Variants in VRK3 observed in about 807,000 individuals in gnomAD.
VRK3 encodes VRK serine/threonine kinase 3, also known as serine/threonine-protein kinase VRK3.
VRK3 carries 50 observed loss-of-function variants against 60.4 expected under a neutral mutation model. The observed-to-expected ratio is 0.83, with a 90% CI of 0.66 to 1.05. The LOEUF is 1.05. Among genes scored for constraint, VRK3 ranks in the 50% least tolerant of loss-of-function variants. The pLI, the probability that VRK3 is intolerant of heterozygous loss-of-function variation, is 0.00. For missense variants in VRK3, 549 were observed against 585.3 expected (o/e 0.94, Z 0.64); for synonymous variants, 246 against 227.8 (o/e 1.08, Z -0.72).
chr19:49,996,570 T>C (rs1413981314), intron 7 of VRK3, among the ~76,000 whole-genome samples: 2 of 152,138 alleles, frequency 1.3e-5, no homozygotes, highest in Admixed American at 6.6e-5. Context: ...TTTCTGAGGG[T>C]TCATTACCTT....
Position 49,989,754 on chromosome 19 carries a change from A to G in VRK3, c.981T>C (p.Tyr327=). Residue 327 remains tyrosine, a synonymous_variant, in exon 11 of 15, where the codon TAT becomes TAC. Coordinates refer to ENST00000316763, the MANE Select transcript of VRK3 (RefSeq NM_016440.4). The part of the protein sequence containing the change: ...EDQSQVTLAG[Y]GFAFRYCPSG... The stretch of plus-strand genomic sequence containing the variant: ...TTGGGCAATAGCGGAAGGCGAAGCC[A>G]TAGCCTGCCAAAGTCACCTGTGGAC... 1 of 1,612,488 alleles carries G rather than the reference A, an allele frequency of 6.2e-7. No individual in the cohort carries two copies. The highest frequency in any genetic ancestry group is 8.5e-7 in the Non-Finnish European group (1 of 1,178,890).
intron 3 of VRK3, among the ~76,000 whole-genome samples, chr19:50,011,664 T>TA (rs2122515530): frequency 6.6e-6 from 1 of 151,534 alleles, no homozygotes; most frequent in East Asian, 2.0e-4. Context: ...AGCGTGTAGT[T>TA]AAAACCAAAC....
intron 3 of VRK3, among the ~76,000 whole-genome samples, chr19:50,011,517 T>C (rs1006402899): frequency 6.6e-6 from 1 of 152,202 alleles, no homozygotes; most frequent in Non-Finnish European, 1.5e-5. Context: ...CAGAAATCTT[T>C]CCAAAATGCA....
chr19:50,019,277 A>G (rs1267662372), intron 2 of VRK3: 4 of 150,244 alleles, frequency 2.7e-5, no homozygotes, highest in African/African-American at 9.8e-5. Flanking sequence ...ATCTCGGCTC[A>G]CTGCAACCTC....
intron 5 of VRK3, among the ~76,000 whole-genome samples, chr19:50,005,696 G>C (rs1304506768): frequency 1.3e-5 from 2 of 149,850 alleles, no homozygotes; most frequent in African/African-American, 5.1e-5. Context: ...AGCCATAAAA[G>C]GAGTGCGGCA....
chr19:49,994,004 C>T (rs564192151), intron 9 of VRK3, among the ~76,000 whole-genome samples: 2 of 152,246 alleles, frequency 1.3e-5, no homozygotes, highest in East Asian at 3.9e-4. Flanking sequence ...AAGACAGATC[C>T]CAGCCCCTCA....
intron 12 of VRK3, 152 bp downstream of exon 12, chr19:49,988,220 A>T (rs993602005): frequency 2.5e-6 from 3 of 1,208,234 alleles, no homozygotes; most frequent in Non-Finnish European, 3.4e-6. Context: ...CTGTGTGGAC[A>T]CTGCAGCACA....
chr19:50,021,551 TGG>T (rs2077171278), intron 1 of VRK3, among the ~76,000 whole-genome samples: 1 of 152,210 alleles, frequency 6.6e-6, no homozygotes, highest in South Asian at 2.1e-4. Context: ...CATCAGCTGC[TGG>T]GTGAGTGGGC....
Position 49,994,875 on chromosome 19 carries a change from A to T in VRK3, c.809T>A (p.Leu270Gln). Reference sequence around the variant, plus strand: ...CAGCACATGCTTTGGGCTGACATCCAGGGCCGACTGAAGGCTCCTCCCCAG... The same window carrying T: ...CAGCACATGCTTTGGGCTGACATCCTGGGCCGACTGAAGGCTCCTCCCCAG... ...PSLGRSLQSA[L>Q]DVSPKHVLSE... Residue 270 changes from leucine to glutamine, a missense_variant, in exon 9 of 15, where the codon CTG (leucine) becomes CAG (glutamine). By Grantham distance (113) the Leu-to-Gln change is moderately radical. Transcript: ENST00000316763. The T allele has an allele frequency of 6.2e-7, 1 of 1,614,174 alleles. No homozygotes were observed. Among genetic ancestry groups the T allele is most frequent in the Non-Finnish European group, 8.5e-7 (1 of 1,180,040 alleles).
chr19:50,019,595 G>C (rs541537611), intron 2 of VRK3, among the ~76,000 whole-genome samples: 18 of 142,504 alleles, frequency 1.3e-4, no homozygotes, highest in African/African-American at 4.1e-4. Context: ...CTGCGGCCTC[G>C]AGCTCTTGGG....
In VRK3 at chr19:49,988,498, G is replaced by A; in HGVS notation, c.1097-6C>T. The A allele has an allele frequency of 6.2e-7, 1 of 1,612,094 alleles. No individual in the cohort carries two copies. The highest frequency in any genetic ancestry group is 8.5e-7 in the Non-Finnish European group (1 of 1,179,062). On this transcript the variant is annotated splice_region_variant and splice_polypyrimidine_tract_variant and intron_variant, in intron 11 of 14. Transcript: ENST00000316763. ...GTCGCTGCGGCGGGAGGGCCCTGGG[G>A]AAGGAGGAGTAAAGGTGGCAGCTCA... is the stretch of plus-strand genomic sequence containing the variant.
chr19:50,022,197 C>T (rs972534794), intron 1 of VRK3, among the ~76,000 whole-genome samples: 13 of 152,180 alleles, frequency 8.5e-5, no homozygotes, highest in Non-Finnish European at 1.5e-4. Flanking sequence ...ACAACGAAAA[C>T]GCAAAACCGG....
intron 7 of VRK3, among the ~76,000 whole-genome samples, chr19:49,996,211 C>G (rs990739223): frequency 3.3e-4 from 50 of 150,872 alleles, no homozygotes; most frequent in African/African-American, 1.2e-3. Flanking sequence ...TCAGCCACCA[C>G]GCCCGGCCTT....
At chr19:49,981,894 T>G in intron 12 of VRK3, 1 of 1,073,774 alleles carries the variant, frequency 9.3e-7, no homozygotes, top group Non-Finnish European at 1.2e-6. Flanking sequence ...AACTGGTAGG[T>G]TCAAAGCAAG....
Position 49,981,029 on chromosome 19 carries a change from C to T in VRK3, c.1218-16G>A, listed in dbSNP as rs2076413227. 1.2e-6 allele frequency: 2 copies of T among 1,611,248 alleles called. No homozygotes were observed. The highest frequency in any genetic ancestry group is 8.5e-7 in the Non-Finnish European group (1 of 1,178,772). On this transcript the variant is annotated splice_polypyrimidine_tract_variant and intron_variant, in intron 12 of 14. Coordinates refer to ENST00000316763, the MANE Select transcript of VRK3 (RefSeq NM_016440.4). ...ATCAACAAACCTGAAGGGACAGAAA[C>T]ACATGTGAAAGGTCTCTTAGGGAAA...
chr19:50,006,151 A>T (rs180906184), intron 5 of VRK3, among the ~76,000 whole-genome samples: 154 of 150,854 alleles, frequency 1.0e-3, no homozygotes, highest in Non-Finnish European at 1.9e-3. Flanking sequence ...AAATAAAAAA[A>T]TAAAAAAATT....
rs1396879695 is a variant in VRK3, at chr19:49,985,390, T to TG, written c.1217+2981dup. On this transcript the variant is annotated intron_variant, in intron 12 of 14. Transcript: ENST00000316763. The stretch of plus-strand genomic sequence containing the variant: ...CATGCAGAGGTTGCCTGCGGAAGTC[T>TG]GGGGGCTGAAGGCCTGTCTCTTCCT... 5.3e-5 allele frequency among the ~76,000 whole-genome samples: 8 copies of TG among 152,354 alleles called. No individual in the cohort carries two copies. The East Asian group carries it at 1.5e-3, about 29-fold the overall frequency.
At chr19:49,979,309 T>A (rs903270505) in intron 13 of VRK3, 67 bp from the exon 14 acceptor site, 1 of 1,605,212 alleles carries the variant, frequency 6.2e-7, no homozygotes, top group African/African-American at 1.3e-5. Context: ...ATCCTGGGGG[T>A]CTCCACCCAA....
At chr19:50,007,544 C>T in intron 5 of VRK3, 25 bp downstream of exon 5, 1 of 1,611,110 alleles carries the variant, frequency 6.2e-7, no homozygotes. Context: ...GACCCAGTCC[C>T]TGGCCGCCCA....
Sources: allele counts gnomAD v4.1 joint callset (sites outside exome capture counted in the v4.1 genomes callset), GRCh38; gene constraint gnomAD v4.1.1; transcripts MANE v1.5; gene names NCBI Gene and HGNC (gene_info 2026-07-23, HGNC 2026-07-21).